The following KLHL20 variants were observed in gnomAD, a reference collection of about 807,000 sequenced individuals.
KLHL20 encodes the protein kelch-like protein 20.
Under a neutral mutation model 69.5 loss-of-function variants are expected in KLHL20, and 29 were observed. The observed-to-expected ratio is 0.42, with a 90% CI of 0.31 to 0.57. KLHL20 has a LOEUF of 0.57. Ranked by LOEUF, KLHL20 falls within the 20% of genes least tolerant of loss-of-function variation. The pLI, the probability that KLHL20 is intolerant of heterozygous loss-of-function variation, is 0.18. For missense variants in KLHL20, 419 were observed against 776.0 expected (o/e 0.54, Z 5.47); for synonymous variants, 253 against 265.2 (o/e 0.95, Z 0.45).
chr1:173,778,031 T>G (rs1157421032), intron 10 of KLHL20, among the ~76,000 whole-genome samples: 1 of 152,166 alleles, frequency 6.6e-6, no homozygotes, highest in East Asian at 1.9e-4. Context: ...AGTGAGGCCA[T>G]TGGGTCCTGG....
At chr1:173,768,683 A>G (rs558155629) in intron 8 of KLHL20, among the ~76,000 whole-genome samples, 1 of 152,250 alleles carries the variant, frequency 6.6e-6, no homozygotes, top group Non-Finnish European at 1.5e-5. Context: ...TTACACAACA[A>G]TGTGAATATA....
chr1:173,743,839 A>G (rs1273248749), intron 3 of KLHL20, among the ~76,000 whole-genome samples: 4 of 152,072 alleles, frequency 2.6e-5, no homozygotes, highest in East Asian at 1.9e-4. Flanking sequence ...GTTGTTTTAG[A>G]TGGTCCTTGT....
chr1:173,771,572 A>T (rs972625802), intron 8 of KLHL20, among the ~76,000 whole-genome samples: 2 of 152,178 alleles, frequency 1.3e-5, no homozygotes, highest in African/African-American at 4.8e-5. Context: ...CCTAGGCAAC[A>T]TAGTAAGACC....
chr1:173,744,195 TAAG>T (rs943266833), intron 3 of KLHL20, among the ~76,000 whole-genome samples: 6 of 152,114 alleles, frequency 3.9e-5, no homozygotes, highest in Admixed American at 1.3e-4. Flanking sequence ...ATTTAACAGA[TAAG>T]AAGGGAATTT....
chr1:173,726,879 C>T lies in KLHL20; in HGVS notation c.24-6834C>T, dbSNP rs564343318. On this transcript the variant is annotated intron_variant, in intron 2 of 11. Transcript: ENST00000209884. The stretch of plus-strand genomic sequence containing the variant: ...AAGGAACACAGCTCCTCACCAGCAA[C>T]GGAACAAAGCTGGACGGAGAATGAC... Among the ~76,000 whole-genome samples the T allele has an allele frequency of 2.4e-3, 369 of 152,264 alleles. 1 individual carries two copies. Among genetic ancestry groups the T allele is most frequent in the African/African-American group, 6.4e-3 (266 of 41,544 alleles).
In KLHL20 at chr1:173,786,196, A is replaced by C. The variant is rs1460877409; in HGVS notation, c.*949A>C. 6.6e-6 allele frequency: 1 copy of C among 152,638 alleles called. No homozygotes were observed. The highest frequency in any genetic ancestry group is 2.4e-5 in the African/African-American group (1 of 41,468). 9.5% of individuals were successfully genotyped at this position (152,638 alleles called of 1,614,324 possible). On this transcript the variant is annotated 3_prime_UTR_variant, in exon 12 of 12. Coordinates refer to ENST00000209884, the MANE Select transcript of KLHL20 (RefSeq NM_014458.4). ...CCTGGTTAAGCTGAGGCTTACCTTT[A>C]ATAACAGCCTCCAAGGGAATGAATT... is the stretch of plus-strand genomic sequence containing the variant.
intron 3 of KLHL20, 123 bp downstream of exon 3, chr1:173,734,409 A>G (rs1323695546): frequency 3.5e-6 from 3 of 847,270 alleles, no homozygotes; most frequent in South Asian, 1.5e-5. Flanking sequence ...CAAATAAATA[A>G]GTTATTATAA....
chr1:173,735,934 A>ATTT (rs1558190601), intron 3 of KLHL20, among the ~76,000 whole-genome samples: 1 of 126,956 alleles, frequency 7.9e-6, no homozygotes. Context: ...ATGCCATTCT[A>ATTT]TCTTTTTTTT....
intron 7 of KLHL20, among the ~76,000 whole-genome samples, chr1:173,759,491 C>T (rs1673697349): frequency 6.6e-6 from 1 of 152,140 alleles, no homozygotes; most frequent in Non-Finnish European, 1.5e-5. Flanking sequence ...GCACCCTCCA[C>T]CAGAACAGGT....
At chr1:173,715,922 G>T (rs565710623) in intron 1 of KLHL20, 81 bp from the exon 2 acceptor site, 3 of 996,428 alleles carry the variant, frequency 3.0e-6, no homozygotes, top group African/African-American at 3.2e-5. Flanking sequence ...CTGACGAAAT[G>T]AGTGAAATGA....
intron 2 of KLHL20, among the ~76,000 whole-genome samples, chr1:173,726,911 G>A (rs369364708): frequency 8.5e-5 from 13 of 152,184 alleles, no homozygotes; most frequent in African/African-American, 2.4e-4. Context: ...TGACTTTGAC[G>A]AGTTGAGAGA....
intron 8 of KLHL20, among the ~76,000 whole-genome samples, chr1:173,770,497 AGACCAGCCTGACTAAC>A (rs1316382437): frequency 6.6e-6 from 1 of 152,142 alleles, no homozygotes; most frequent in Non-Finnish European, 1.5e-5. Context: ...CAGGAGTTCA[AGACCAGCCTGACTAAC>A]ATGGTGAAAC....
intron 2 of KLHL20, among the ~76,000 whole-genome samples, chr1:173,732,166 C>T (rs941297176): frequency 6.6e-6 from 1 of 151,194 alleles, no homozygotes; most frequent in Non-Finnish European, 1.5e-5. Flanking sequence ...CACTGCAGCC[C>T]AGCCTCCGTG....
intron 7 of KLHL20, among the ~76,000 whole-genome samples, chr1:173,765,661 AAC>A (rs1647657000): frequency 6.6e-6 from 1 of 152,206 alleles, no homozygotes; most frequent in African/African-American, 2.4e-5. Context: ...AATAATGTAT[AAC>A]ACATATAATA....
chr1:173,785,276 CCTCTGTATT>C lies in KLHL20; in HGVS notation c.*32_*40del. 2 of 1,501,814 alleles carry C rather than the reference CCTCTGTATT, an allele frequency of 1.3e-6. No homozygotes were observed. The highest frequency in any genetic ancestry group is 9.1e-7 in the Non-Finnish European group (1 of 1,100,366). 93.0% of individuals were successfully genotyped at this position (1,501,814 alleles called of 1,614,324 possible). A position where few individuals can be genotyped will look rare whatever the true frequency, so the allele number is the denominator to read the frequency against. On this transcript the variant is annotated 3_prime_UTR_variant, in exon 12 of 12. Transcript: ENST00000209884. The stretch of plus-strand genomic sequence containing the variant: ...CAGAGAAGACAGTCTTGTATATATT[CCTCTGTATT>C]CTGGGGAGCTTTGACCTTGGAGCTT...
chr1:173,717,578 T>A (rs1031801619), intron 2 of KLHL20, among the ~76,000 whole-genome samples: 1 of 152,254 alleles, frequency 6.6e-6, no homozygotes, highest in Admixed American at 6.5e-5. Flanking sequence ...TCTGTAATGC[T>A]GGGTTTATAC....
At chr1:173,746,356 C>G (rs1673058514) in intron 3 of KLHL20, among the ~76,000 whole-genome samples, 1 of 152,156 alleles carries the variant, frequency 6.6e-6, no homozygotes, top group African/African-American at 2.4e-5. Context: ...AGACTATGGT[C>G]TGTAAAAGTT....
At chr1:173,763,866 T>TAA (rs60028962) in intron 7 of KLHL20, among the ~76,000 whole-genome samples, 33,743 of 119,292 alleles carry the variant, frequency 0.28, 4,176 homozygotes, top group Middle Eastern at 0.38. Flanking sequence ...GCAAATGCAA[T>TAA]AAAAAAAAAA....
At chr1:173,722,748 G>T (rs1671771565) in intron 2 of KLHL20, among the ~76,000 whole-genome samples, 1 of 148,524 alleles carries the variant, frequency 6.7e-6, no homozygotes, top group South Asian at 2.1e-4. Flanking sequence ...GTAGTGCAGT[G>T]GCACAATCTT....
Sources: allele counts gnomAD v4.1 joint callset (sites outside exome capture counted in the v4.1 genomes callset), GRCh38; gene constraint gnomAD v4.1.1; transcripts MANE v1.5; gene names NCBI Gene and HGNC (gene_info 2026-07-23, HGNC 2026-07-21).